The following ASH1L variants were observed in gnomAD, a reference collection of about 807,000 sequenced individuals.
The protein encoded by ASH1L is histone-lysine N-methyltransferase ASH1L.
ASH1L carries 23 observed loss-of-function variants against 269.0 expected under a neutral mutation model. That is an observed-to-expected ratio of 0.09 (90% confidence interval 0.06 to 0.12). The LOEUF (loss-of-function observed/expected upper bound fraction) is 0.12. Among genes scored for constraint, ASH1L ranks in the 10% least tolerant of loss-of-function variants. The pLI is 1.00. For missense variants in ASH1L, 2,912 were observed against 3,567.8 expected (o/e 0.82, Z 4.68); for synonymous variants, 1,187 against 1,253.5 (o/e 0.95, Z 1.12).
At chr1:155,486,070 T>C (rs763818114) in intron 2 of ASH1L, among the ~76,000 whole-genome samples, 2 of 152,354 alleles carry the variant, frequency 1.3e-5, no homozygotes, top group Non-Finnish European at 2.9e-5. Flanking sequence ...TAATTCCTCT[T>C]CTTCCCAATG....
Position 155,562,608 on chromosome 1 carries a change from G to A in ASH1L, c.-555C>T. 1.3e-6 allele frequency: 2 copies of A among 1,528,216 alleles called. No homozygotes were observed. The highest frequency in any genetic ancestry group is 2.7e-5 in the African/African-American group (2 of 72,852). 94.7% of individuals were successfully genotyped at this position (1,528,216 alleles called of 1,614,324 possible). On this transcript the variant is annotated 5_prime_UTR_variant, in exon 1 of 28. Transcript: ENST00000392403. The stretch of plus-strand genomic sequence containing the variant: ...GCGTAGCGCGCACGCCCGCCCGCAC[G>A]CGTACGAGTGTCTACGGGCTCGTCG...
At position 155,481,642 on chromosome 1, in the gene ASH1L, T is replaced by C; in HGVS notation, c.1228A>G (p.Ser410Gly). ...CTGATCAGACCTGCCAAAGGACAAC[T>C]CATTAGTTTCTTTCCAATGTCCTTA... is the stretch of plus-strand genomic sequence containing the variant. ...VNKDIGKKLM[S>G]CPLAGLISKD... The change falls in exon 3 of 28, where the codon AGT (serine) becomes GGT (glycine). Residue 410 changes from serine (S) to glycine (G), a missense_variant. Transcript: ENST00000392403. 6.2e-7 allele frequency: 1 copy of C among 1,614,148 alleles called. No individual in the cohort carries two copies. The highest frequency in any genetic ancestry group is 1.3e-5 in the African/African-American group (1 of 75,064).
intron 1 of ASH1L, among the ~76,000 whole-genome samples, chr1:155,547,907 T>G (rs1349207507): frequency 6.6e-6 from 1 of 151,788 alleles, no homozygotes; most frequent in Non-Finnish European, 1.5e-5. Flanking sequence ...ACCCGGAAGG[T>G]GGATCTTGCA....
intron 2 of ASH1L, among the ~76,000 whole-genome samples, chr1:155,486,076 C>T (rs1666310385): frequency 6.6e-6 from 1 of 152,172 alleles, no homozygotes; most frequent in South Asian, 2.1e-4. Flanking sequence ...CTCTTCTTCC[C>T]AATGGCTGTC....
chr1:155,439,351 AAT>A (rs1274395004), intron 4 of ASH1L, among the ~76,000 whole-genome samples: 2 of 151,018 alleles, frequency 1.3e-5, no homozygotes, highest in Non-Finnish European at 2.9e-5. Flanking sequence ...GAAGGTCAAA[AAT>A]AAAAAATAAA....
intron 15 of ASH1L, 77 bp downstream of exon 15, chr1:155,357,239 G>T: frequency 9.0e-7 from 1 of 1,108,600 alleles, no homozygotes; most frequent in South Asian, 1.4e-5. Context: ...CAACAATATA[G>T]AAGTTTCATA....
chr1:155,558,262 A>T (rs1008826572), intron 1 of ASH1L, among the ~76,000 whole-genome samples: 21 of 152,260 alleles, frequency 1.4e-4, no homozygotes, highest in Admixed American at 7.9e-4. Flanking sequence ...AGAGGTCAGG[A>T]GTTTGAGACC....
chr1:155,391,171 C>T (rs1657899569), intron 7 of ASH1L, among the ~76,000 whole-genome samples: 1 of 152,136 alleles, frequency 6.6e-6, no homozygotes, highest in South Asian at 2.1e-4. Context: ...GTCTCGAACT[C>T]CTGACCTCAG....
chr1:155,491,980 T>C (rs905597709), intron 2 of ASH1L, among the ~76,000 whole-genome samples: 1 of 148,454 alleles, frequency 6.7e-6, no homozygotes, highest in African/African-American at 2.5e-5. Flanking sequence ...GCTCTCTTTT[T>C]TTCATTCATG....
intron 1 of ASH1L, among the ~76,000 whole-genome samples, chr1:155,556,340 C>A (rs1671583315): frequency 6.6e-6 from 1 of 151,896 alleles, no homozygotes; most frequent in Admixed American, 6.6e-5. Context: ...CAAGTTCAGT[C>A]TGGGCAACAC....
chr1:155,420,804 C>T (rs1032446743), intron 5 of ASH1L, among the ~76,000 whole-genome samples: 5 of 146,172 alleles, frequency 3.4e-5, no homozygotes, highest in Non-Finnish European at 7.5e-5. Context: ...GAGCCAAGAT[C>T]GCACTACTGC....
At chr1:155,404,704 T>C (rs941025005) in intron 6 of ASH1L, among the ~76,000 whole-genome samples, 2 of 152,052 alleles carry the variant, frequency 1.3e-5, no homozygotes, top group East Asian at 1.9e-4. Flanking sequence ...TTTCTATACA[T>C]AGCAATAAAC....
chr1:155,524,789 G>A (rs894328044), intron 1 of ASH1L, among the ~76,000 whole-genome samples: 2 of 151,978 alleles, frequency 1.3e-5, no homozygotes, highest in African/African-American at 2.4e-5. Context: ...ACACTGAGCC[G>A]TGATTGTACC....
At chr1:155,346,033 C>T (rs1570952145) in intron 21 of ASH1L, 4 of 517,572 alleles carry the variant, frequency 7.7e-6, no homozygotes, top group Admixed American at 3.5e-5. Flanking sequence ...GGGGTTTCAC[C>T]GTGTTGCCCA....
At chr1:155,423,252 T>C (rs905202127) in intron 5 of ASH1L, among the ~76,000 whole-genome samples, 1 of 147,750 alleles carries the variant, frequency 6.8e-6, no homozygotes, top group Non-Finnish European at 1.5e-5. Context: ...CCTGGACATG[T>C]ATGCTTTTTT....
chr1:155,355,708 A>G lies in ASH1L; in HGVS notation c.7056-1078T>C, dbSNP rs565878024. 3.3e-5 allele frequency among the ~76,000 whole-genome samples: 5 copies of G among 152,320 alleles called. No homozygotes were observed. The South Asian group carries it at 6.2e-4, about 19-fold the overall frequency. ...ACTGGACTGGTTTTTCCGAAATTTAAAATTTCTACAACTCAAAGGGAAATA... is the reference window on the plus strand; with the variant it reads ...ACTGGACTGGTTTTTCCGAAATTTAGAATTTCTACAACTCAAAGGGAAATA... On this transcript the variant is annotated intron_variant, in intron 15 of 27. Transcript: ENST00000392403.
chr1:155,446,992 A>G (rs191802289), intron 4 of ASH1L, among the ~76,000 whole-genome samples: 46 of 152,314 alleles, frequency 3.0e-4, no homozygotes, highest in Middle Eastern at 3.4e-3. Flanking sequence ...GTACTGTTAA[A>G]CTCATTTATT....
At chr1:155,427,569 G>A (rs1661253278) in intron 5 of ASH1L, among the ~76,000 whole-genome samples, 1 of 152,122 alleles carries the variant, frequency 6.6e-6, no homozygotes, top group Admixed American at 6.6e-5. Flanking sequence ...CTCCCAAAAT[G>A]CTGGGATTAC....
At chr1:155,433,427 C>A (rs1182783904) in intron 5 of ASH1L, 2 of 1,608,502 alleles carry the variant, frequency 1.2e-6, no homozygotes, top group Non-Finnish European at 1.7e-6. Flanking sequence ...GGTTGGAGTG[C>A]GGCTAGTGCC....
Sources: allele counts gnomAD v4.1 joint callset (sites outside exome capture counted in the v4.1 genomes callset), GRCh38; gene constraint gnomAD v4.1.1; transcripts MANE v1.5; gene names NCBI Gene and HGNC (gene_info 2026-07-23, HGNC 2026-07-21).